The following FKBP1A variants were observed in gnomAD, a reference collection of about 807,000 sequenced individuals.
The protein encoded by FKBP1A is peptidyl-prolyl cis-trans isomerase FKBP1A.
FKBP1A carries 5 observed loss-of-function variants against 14.2 expected under a neutral mutation model. The ratio of observed to expected loss-of-function variants is 0.35; its 90% confidence interval spans 0.18 to 0.74. FKBP1A has a LOEUF of 0.74. Ranked by LOEUF, FKBP1A falls within the 30% of genes least tolerant of loss-of-function variation. The probability of loss-of-function intolerance (pLI) is 0.56; values close to 1 mark genes in which losing one functional copy is unlikely to be tolerated. For missense variants in FKBP1A, 53 were observed against 138.8 expected (o/e 0.38, Z 3.10); for synonymous variants, 42 against 49.1 (o/e 0.86, Z 0.60).
chr20:1,376,843 G>C (rs944431173), intron 2 of FKBP1A: 2 of 152,148 alleles, frequency 1.3e-5, no homozygotes, highest in South Asian at 2.1e-4. Context: ...CCAATAAAAG[G>C]GGAACTCCAG....
chr20:1,387,217 A>G (rs925414393), intron 2 of FKBP1A, among the ~76,000 whole-genome samples: 1 of 152,146 alleles, frequency 6.6e-6, no homozygotes, highest in Non-Finnish European at 1.5e-5. Context: ...TAAAGCTGTT[A>G]CCAAGAAAAA....
At position 1,386,741 on chromosome 20, in the gene FKBP1A, GCTTGAGCTC is replaced by G. The variant is rs1297777806; in HGVS notation, c.85+6084_85+6092del. 6.6e-6 allele frequency among the ~76,000 whole-genome samples: 1 copy of G among 152,230 alleles called. No individual in the cohort carries two copies. Among genetic ancestry groups the G allele is most frequent in the Non-Finnish European group, 1.5e-5 (1 of 68,030 alleles). The stretch of plus-strand genomic sequence containing the variant: ...CGAGGAATGAATGCAGGCCAAGGTG[GCTTGAGCTC>G]CTGGGAGAGGAAGAGCAAATGTAAC... On this transcript the variant is annotated intron_variant, in intron 2 of 4. Coordinates refer to ENST00000400137, the MANE Select transcript of FKBP1A (RefSeq NM_000801.5). The surrounding 1 kb of genome is among the most constrained non-coding windows in gnomAD (Gnocchi z 4.7).
At chr20:1,370,480 C>A (rs2089449359) in intron 4 of FKBP1A, 1 of 976,378 alleles carries the variant, frequency 1.0e-6, no homozygotes. Context: ...TAGGGTTTGA[C>A]CTGGGCATCA....
chr20:1,381,919 G>A (rs2089620512), intron 2 of FKBP1A, among the ~76,000 whole-genome samples: 1 of 152,164 alleles, frequency 6.6e-6, no homozygotes, highest in African/African-American at 2.4e-5. Context: ...AGGAGGGTAA[G>A]GAGGGGTGAA....
chr20:1,373,944 C>G (rs767569047), intron 3 of FKBP1A, among the ~76,000 whole-genome samples: 6 of 152,208 alleles, frequency 3.9e-5, no homozygotes, highest in Non-Finnish European at 7.4e-5. Flanking sequence ...CCTGCAGGAA[C>G]AGAAACCCAG....
intron 3 of FKBP1A, among the ~76,000 whole-genome samples, chr20:1,374,164 G>C (rs1360767301): frequency 6.6e-6 from 1 of 152,182 alleles, no homozygotes; most frequent in Non-Finnish European, 1.5e-5. Flanking sequence ...TAATTATAAA[G>C]TTCCTTGGGT....
At chr20:1,388,707 A>G (rs1440026456) in intron 2 of FKBP1A, among the ~76,000 whole-genome samples, 6 of 151,360 alleles carry the variant, frequency 4.0e-5, no homozygotes, top group Middle Eastern at 3.4e-3. Flanking sequence ...TTTGCCCCCA[A>G]AAGCCCATTG....
At chr20:1,390,461 A>G (rs1216557714) in intron 2 of FKBP1A, among the ~76,000 whole-genome samples, 1 of 152,174 alleles carries the variant, frequency 6.6e-6, no homozygotes, top group East Asian at 1.9e-4. Flanking sequence ...TGAGGCAGTC[A>G]GGCAGGAAAC....
chr20:1,392,129 G>A (rs928177158), intron 2 of FKBP1A, among the ~76,000 whole-genome samples: 2 of 152,222 alleles, frequency 1.3e-5, no homozygotes, highest in African/African-American at 4.8e-5. Context: ...ACTTCTAGAA[G>A]AGCTGGGGGA....
intron 2 of FKBP1A, among the ~76,000 whole-genome samples, chr20:1,384,311 G>A (rs1232161666): frequency 6.6e-6 from 1 of 152,146 alleles, no homozygotes; most frequent in Non-Finnish European, 1.5e-5. Flanking sequence ...ACTCAATAAA[G>A]GCAAGTCACT....
At chr20:1,370,657 C>G (rs2089451868) in intron 4 of FKBP1A, 1 of 985,294 alleles carries the variant, frequency 1.0e-6, no homozygotes. Context: ...CAGACTCTTG[C>G]AAGAAGCTGA....
intron 2 of FKBP1A, chr20:1,391,748 G>A: frequency 3.3e-6 from 1 of 298,962 alleles, no homozygotes; most frequent in Non-Finnish European, 5.5e-6. Context: ...GGAAGAGGAG[G>A]AGAGGGAGTG....
intron 2 of FKBP1A, among the ~76,000 whole-genome samples, chr20:1,384,080 T>C (rs1317121601): frequency 6.6e-6 from 1 of 152,186 alleles, no homozygotes; most frequent in Non-Finnish European, 1.5e-5. Context: ...CCCAGCATAG[T>C]GAAGAGCACT....
intron 2 of FKBP1A, among the ~76,000 whole-genome samples, chr20:1,391,970 A>G (rs1042890677): frequency 6.6e-6 from 1 of 151,968 alleles, no homozygotes; most frequent in African/African-American, 2.4e-5. Context: ...TTGTAAGGAG[A>G]AGGAGTAAGA....
rs568025250 is a variant in FKBP1A, at chr20:1,387,712, G to A, written c.85+5122C>T. ...ATACAAAAATTAGGACAGGTGGCAT[G>A]CACCTGTATGCCCAACTATTCAGAA... On this transcript the variant is annotated intron_variant, in intron 2 of 4. Coordinates refer to ENST00000400137, the MANE Select transcript of FKBP1A (RefSeq NM_000801.5). Among the ~76,000 whole-genome samples, 17 of 152,182 alleles carry A rather than the reference G, an allele frequency of 1.1e-4. No individual in the cohort carries two copies. In the South Asian group the frequency reaches 2.7e-3, roughly 24 times the overall value.
Position 1,369,631 on chromosome 20 carries a change from C to A in FKBP1A, c.*478G>T, listed in dbSNP as rs369976663. 54 of 169,786 alleles carry A rather than the reference C, an allele frequency of 3.2e-4. No individual in the cohort carries two copies. The East Asian group carries it at 5.3e-3, about 17-fold the overall frequency. The allele number at this position is 169,786 out of a possible 1,614,324, so 10.5% of individuals were successfully genotyped here. On this transcript the variant is annotated 3_prime_UTR_variant, in exon 5 of 5. Transcript: ENST00000400137. Reference sequence around the variant, plus strand: ...TTCAGTCCTCAACAGCGCCTCAAATCTGCTATGGCTTTGCAGCGCAGCAGC... The same window carrying A: ...TTCAGTCCTCAACAGCGCCTCAAATATGCTATGGCTTTGCAGCGCAGCAGC...
In FKBP1A at chr20:1,371,870, A is replaced by C. The variant is rs530238590; in HGVS notation, c.*36+206T>G. Reference sequence around the variant, plus strand: ...TCCATGAGTTGAACTGGGAACATACACATGCCAATTCCTTTCCTTAGGGTG... The same window carrying C: ...TCCATGAGTTGAACTGGGAACATACCCATGCCAATTCCTTTCCTTAGGGTG... On this transcript the variant is annotated intron_variant, in intron 4 of 4. Transcript: ENST00000400137. 11 of 1,290,970 alleles carry C rather than the reference A, an allele frequency of 8.5e-6. No individual in the cohort carries two copies. In the Admixed American group the frequency reaches 3.1e-4, roughly 37 times the overall value. 80.0% of individuals were successfully genotyped at this position (1,290,970 alleles called of 1,614,324 possible).
intron 2 of FKBP1A, chr20:1,391,532 C>T (rs1418187476): frequency 5.0e-6 from 2 of 396,698 alleles, no homozygotes; most frequent in Non-Finnish European, 8.9e-6. Context: ...ACTTCTACCT[C>T]CTGCCCCCAT....
Position 1,370,014 on chromosome 20 carries a change from A to G in FKBP1A, c.*95T>C, listed in dbSNP as rs773117898. ...ACAAAGTGGAGTGGAACATCAGGAA[A>G]AGCTCCATATGGATTCATGTGCACA... On this transcript the variant is annotated 3_prime_UTR_variant, in exon 5 of 5. Coordinates refer to ENST00000400137, the MANE Select transcript of FKBP1A (RefSeq NM_000801.5). 2 of 1,549,958 alleles carry G rather than the reference A, an allele frequency of 1.3e-6. No homozygotes were observed. Among genetic ancestry groups the G allele is most frequent in the South Asian group, 1.2e-5 (1 of 83,980 alleles).
Sources: allele counts gnomAD v4.1 joint callset (sites outside exome capture counted in the v4.1 genomes callset), GRCh38; gene constraint gnomAD v4.1.1; non-coding constraint Gnocchi (gnomAD v3.1); transcripts MANE v1.5; gene names NCBI Gene and HGNC (gene_info 2026-07-23, HGNC 2026-07-21).